COL5A2: variants seen among roughly 807,000 people sequenced by gnomAD.
COL5A2 encodes collagen type V alpha 2 chain.
Under a neutral mutation model 208.2 loss-of-function variants are expected in COL5A2, and 23 were observed. The observed-to-expected ratio is 0.11, with a 90% CI of 0.08 to 0.16. The LOEUF (loss-of-function observed/expected upper bound fraction) is 0.16, where lower values mean the gene tolerates loss of function less well. COL5A2 is among the 10% of genes least tolerant of loss of function. The pLI, the probability that COL5A2 is intolerant of heterozygous loss-of-function variation, is 1.00. For missense variants in COL5A2, 1,590 were observed against 1,956.4 expected, an observed-to-expected ratio of 0.81 and a Z score of 3.53; for synonymous variants, 625 against 628.5, an observed-to-expected ratio of 0.99 and a Z score of 0.08.
chr2:189,385,251 T>C, the COL5A2 span, among the ~76,000 whole-genome samples: 1 of 152,174 alleles, frequency 6.6e-6, no homozygotes, highest in African/African-American at 2.4e-5. Context: ...ACAAGATTCC[T>C]AGAACTGATA....
chr2:189,136,298 T>C (rs1026776783), intron 1 of COL5A2, among the ~76,000 whole-genome samples: 4 of 151,796 alleles, frequency 2.6e-5, no homozygotes, highest in African/African-American at 4.8e-5. Context: ...CTTACTGCTA[T>C]GTACACAAAA....
chr2:189,403,887 C>T, the COL5A2 span, among the ~76,000 whole-genome samples: 1 of 152,134 alleles, frequency 6.6e-6, no homozygotes, highest in Non-Finnish European at 1.5e-5. Context: ...CACGTGCCAC[C>T]ATGCCCAGTT....
the COL5A2 span, among the ~76,000 whole-genome samples, chr2:189,266,353 G>A: frequency 1.3e-5 from 2 of 151,988 alleles, no homozygotes; most frequent in African/African-American, 2.4e-5. Context: ...CTGAACCTGG[G>A]AGGCGGAGGT....
chr2:189,369,010 A>G, the COL5A2 span, among the ~76,000 whole-genome samples: 7 of 152,212 alleles, frequency 4.6e-5, no homozygotes, highest in African/African-American at 1.7e-4. Flanking sequence ...TTGTGCCATG[A>G]GAATGTGTCC....
intron 1 of COL5A2, among the ~76,000 whole-genome samples, chr2:189,220,470 CAA>C (rs35588877): frequency 4.9e-4 from 72 of 145,760 alleles, no homozygotes; most frequent in Admixed American, 5.4e-4. Flanking sequence ...GGTGTATTAA[CAA>C]AAAAAAAAAA....
chr2:189,396,671 T>TAA, the COL5A2 span, among the ~76,000 whole-genome samples: 1 of 102,428 alleles, frequency 9.8e-6, no homozygotes, highest in African/African-American at 3.9e-5. Flanking sequence ...AAGACTCCAT[T>TAA]AAAAAAAAAA....
intron 52 of COL5A2, among the ~76,000 whole-genome samples, chr2:189,036,264 C>A (rs1685442070): frequency 6.6e-6 from 1 of 152,078 alleles, no homozygotes; most frequent in Non-Finnish European, 1.5e-5. Flanking sequence ...TCTGCTGAAG[C>A]TGAATATACA....
rs1404486765 is a variant in COL5A2, at chr2:189,062,445, AAGT to A, written c.1977+417_1977+419del. On this transcript the variant is annotated intron_variant, in intron 29 of 53. Transcript: ENST00000374866. The stretch of plus-strand genomic sequence containing the variant: ...GTAATCCACCTACCCTGGCCTCCCT[AAGT>A]GCTGGGATTACAGGCGTGAGCCACC... Among the ~76,000 whole-genome samples, 4 of 152,106 alleles carry A rather than the reference AAGT, an allele frequency of 2.6e-5. No individual in the cohort carries two copies. The East Asian group carries it at 7.7e-4, about 29-fold the overall frequency.
chr2:189,147,565 G>A (rs1188458687), intron 1 of COL5A2, among the ~76,000 whole-genome samples: 1 of 152,118 alleles, frequency 6.6e-6, no homozygotes, highest in Admixed American at 6.6e-5. Flanking sequence ...AAAACTGCTT[G>A]AAGATTGAAT....
At chr2:189,087,084 G>A (rs532394557) in intron 8 of COL5A2, among the ~76,000 whole-genome samples, 20 of 152,252 alleles carry the variant, frequency 1.3e-4, no homozygotes, top group African/African-American at 2.9e-4. Context: ...AAGAACATCC[G>A]AATAAAGAAA....
chr2:189,255,172 A>G, the COL5A2 span, among the ~76,000 whole-genome samples: 9 of 152,234 alleles, frequency 5.9e-5, no homozygotes, highest in Admixed American at 1.3e-4. Flanking sequence ...GAATGCAAAC[A>G]TAAGTTCCAA....
rs1199449248 is a variant in COL5A2, at chr2:189,032,003, T to A, written c.*2067A>T. 2 of 152,122 alleles carry A rather than the reference T, an allele frequency of 1.3e-5. No homozygotes were observed. Among genetic ancestry groups the A allele is most frequent in the African/African-American group, 4.8e-5 (2 of 41,428 alleles). 9.4% of individuals were successfully genotyped at this position (152,122 alleles called of 1,614,324 possible). ...TTTGTGACTTAATAGTATTACCACATATTTCTGATTCATCTATATGAACTT... is the reference window on the plus strand; with the variant it reads ...TTTGTGACTTAATAGTATTACCACAAATTTCTGATTCATCTATATGAACTT... On this transcript the variant is annotated 3_prime_UTR_variant, in exon 54 of 54. Transcript: ENST00000374866.
chr2:189,124,573 G>A (rs888168850), intron 1 of COL5A2, among the ~76,000 whole-genome samples: 4 of 152,030 alleles, frequency 2.6e-5, no homozygotes, highest in African/African-American at 9.7e-5. Flanking sequence ...TGATAAAAAA[G>A]TCACTGAGGA....
intron 1 of COL5A2, among the ~76,000 whole-genome samples, chr2:189,211,538 A>G (rs1191940839): frequency 2.0e-5 from 3 of 152,188 alleles, no homozygotes; most frequent in Non-Finnish European, 4.4e-5. Context: ...CAATGAGAAT[A>G]AGGCAGAGAC....
intron 1 of COL5A2, among the ~76,000 whole-genome samples, chr2:189,189,109 G>T (rs1463928549): frequency 6.6e-6 from 1 of 152,128 alleles, no homozygotes; most frequent in South Asian, 2.1e-4. Context: ...TGCCATTTCT[G>T]TTGTATTTTT....
intron 2 of COL5A2, among the ~76,000 whole-genome samples, chr2:189,109,153 T>G (rs1027819944): frequency 6.6e-6 from 1 of 152,036 alleles, no homozygotes; most frequent in Non-Finnish European, 1.5e-5. Context: ...GACTGTATAT[T>G]TTGGTGTGTT....
chr2:189,063,301 C>G lies in COL5A2; in HGVS notation c.1771-31G>C, dbSNP rs371797576. ...GAATTGACAGGAGCCATGTAAGTTT[C>G]ATGTAAGTTGTTTCTAAACATAGCA... On this transcript the variant is annotated intron_variant, in intron 26 of 53. Coordinates refer to ENST00000374866, the MANE Select transcript of COL5A2 (RefSeq NM_000393.5). 3.7e-5 allele frequency: 58 copies of G among 1,574,566 alleles called. No homozygotes were observed. The African/African-American group carries it at 7.0e-4, about 19-fold the overall frequency.
the COL5A2 span, among the ~76,000 whole-genome samples, chr2:189,380,260 A>G: frequency 6.6e-6 from 1 of 152,046 alleles, no homozygotes; most frequent in African/African-American, 2.4e-5. Context: ...AATCTCCCTT[A>G]TTTGGGATGT....
chr2:189,320,509 C>T, the COL5A2 span, among the ~76,000 whole-genome samples: 4 of 152,140 alleles, frequency 2.6e-5, no homozygotes, highest in South Asian at 4.1e-4. Context: ...ACGAGAACTA[C>T]GTGACAAATG....
Sources: allele counts gnomAD v4.1 joint callset (sites outside exome capture counted in the v4.1 genomes callset), GRCh38; gene constraint gnomAD v4.1.1; transcripts MANE v1.5; gene names NCBI Gene and HGNC (gene_info 2026-07-23, HGNC 2026-07-21).